CSTPP1: variants seen among roughly 807,000 people sequenced by gnomAD.
CSTPP1 encodes the protein centriolar satellite-associated tubulin polyglutamylase complex regulator 1.
the CSTPP1 span, among the ~76,000 whole-genome samples, chr11:46,979,629 A>G: frequency 6.6e-6 from 1 of 152,150 alleles, no homozygotes; most frequent in South Asian, 2.1e-4. Flanking sequence ...TCCTTAAAAA[A>G]AAAAAGGACG....
chr11:47,155,353 C>G, the CSTPP1 span: 4 of 1,111,440 alleles, frequency 3.6e-6, no homozygotes, highest in African/African-American at 1.5e-5. Flanking sequence ...CTGGCACACA[C>G]GTTTCTCTTC....
chr11:47,036,034 G>GATATATAT, the CSTPP1 span, among the ~76,000 whole-genome samples: 26 of 25,374 alleles, frequency 1.0e-3, 2 homozygotes, highest in South Asian at 2.9e-3. Flanking sequence ...GGAGTGAAAA[G>GATATATAT]ATATATATAT....
chr11:47,152,273 C>A, the CSTPP1 span, among the ~76,000 whole-genome samples: 1 of 152,020 alleles, frequency 6.6e-6, no homozygotes, highest in African/African-American at 2.4e-5. Flanking sequence ...TATTGTTACC[C>A]GTATTAAGGG....
the CSTPP1 span, among the ~76,000 whole-genome samples, chr11:47,043,477 A>G: frequency 6.6e-6 from 1 of 152,158 alleles, no homozygotes; most frequent in African/African-American, 2.4e-5. Context: ...AATCTGTATG[A>G]TATCCCTAAT....
chr11:47,149,662 C>G, the CSTPP1 span, among the ~76,000 whole-genome samples: 1 of 152,200 alleles, frequency 6.6e-6, no homozygotes, highest in Non-Finnish European at 1.5e-5. Flanking sequence ...ATGCCTAGAA[C>G]TTTCATGGTC....
the CSTPP1 span, chr11:47,160,457 T>C: frequency 2.6e-5 from 4 of 152,438 alleles, no homozygotes; most frequent in African/African-American, 4.8e-5. Context: ...ATACACTGGT[T>C]GACGCGTCAC....
the CSTPP1 span, among the ~76,000 whole-genome samples, chr11:47,026,038 T>C: frequency 6.6e-6 from 1 of 152,148 alleles, no homozygotes; most frequent in Non-Finnish European, 1.5e-5. Context: ...GCCTCACCTG[T>C]GACTAAACTC....
chr11:46,999,160 T>G, the CSTPP1 span, among the ~76,000 whole-genome samples: 1 of 151,990 alleles, frequency 6.6e-6, no homozygotes, highest in African/African-American at 2.4e-5. Context: ...CTGGGCAAAT[T>G]TCTGAAATAT....
At chr11:47,139,956 G>T in the CSTPP1 span, among the ~76,000 whole-genome samples, 5 of 152,098 alleles carry the variant, frequency 3.3e-5, no homozygotes, top group South Asian at 4.2e-4. Flanking sequence ...AGCTGCATTG[G>T]CTGCACTGCA....
the CSTPP1 span, among the ~76,000 whole-genome samples, chr11:47,084,953 G>A: frequency 6.6e-6 from 1 of 152,144 alleles, no homozygotes; most frequent in African/African-American, 2.4e-5. Context: ...GGGAGGCCAA[G>A]GTGGGCAGAT....
the CSTPP1 span, among the ~76,000 whole-genome samples, chr11:47,031,706 TTTTTTTTTTA>T: frequency 1.7e-4 from 26 of 151,550 alleles, no homozygotes; most frequent in Admixed American, 1.7e-3. Flanking sequence ...CTTTTTTTTT[TTTTTTTTTTA>T]AAAGAGATCT....
the CSTPP1 span, among the ~76,000 whole-genome samples, chr11:46,943,864 A>T: frequency 1.3e-5 from 2 of 150,578 alleles, no homozygotes; most frequent in African/African-American, 4.9e-5. Context: ...ACTAAAAATA[A>T]AAAAAAAATA....
chr11:47,089,330 T>C, the CSTPP1 span, among the ~76,000 whole-genome samples: 1 of 152,254 alleles, frequency 6.6e-6, no homozygotes, highest in South Asian at 2.1e-4. Flanking sequence ...TATATATATA[T>C]TTATATATGG....
chr11:47,106,409 A>G, the CSTPP1 span, among the ~76,000 whole-genome samples: 1 of 152,156 alleles, frequency 6.6e-6, no homozygotes, highest in Non-Finnish European at 1.5e-5. Context: ...GACCTAGGCC[A>G]AGACAGGCGG....
chr11:47,025,045 T>A, the CSTPP1 span, among the ~76,000 whole-genome samples: 1 of 152,320 alleles, frequency 6.6e-6, no homozygotes, highest in South Asian at 2.1e-4. Flanking sequence ...TTTAATCATT[T>A]GTGCCTATAG....
the CSTPP1 span, among the ~76,000 whole-genome samples, chr11:46,972,582 T>C: frequency 6.6e-6 from 1 of 152,190 alleles, no homozygotes; most frequent in Admixed American, 6.5e-5. Context: ...GGGTAGAATC[T>C]GACCTAAGCT....
chr11:46,968,258 A>G, the CSTPP1 span, among the ~76,000 whole-genome samples: 1 of 151,322 alleles, frequency 6.6e-6, no homozygotes, highest in African/African-American at 2.4e-5. Context: ...GGCCTTCTAT[A>G]AATTTTATTT....
chr11:47,105,832 A>G, the CSTPP1 span, among the ~76,000 whole-genome samples: 1 of 152,326 alleles, frequency 6.6e-6, no homozygotes, highest in East Asian at 1.9e-4. Context: ...CCTTTTCGTC[A>G]AAGATGTGTG....
chr11:47,038,487 G>GCTC, the CSTPP1 span, among the ~76,000 whole-genome samples: 1 of 110,042 alleles, frequency 9.1e-6, no homozygotes, highest in Non-Finnish European at 2.3e-5. Flanking sequence ...GGACGGGGCG[G>GCTC]CCGGCCAGGC....
Sources: gnomAD v4.1 joint callset for allele counts (sites outside exome capture counted in the v4.1 genomes callset) on GRCh38, gnomAD v4.1.1 for gene constraint, MANE v1.5 for transcripts, NCBI Gene and HGNC (gene_info 2026-07-23, HGNC 2026-07-21) for gene names.